The following SNTG1 variants were observed in gnomAD, a reference collection of about 807,000 sequenced individuals.
The protein encoded by SNTG1 is gamma-1-syntrophin.
A neutral mutation model predicts 74.7 loss-of-function variants in SNTG1; 39 were observed. The ratio of observed to expected loss-of-function variants is 0.52; its 90% CI spans 0.40 to 0.68. The LOEUF is 0.68. Ranked by LOEUF, SNTG1 falls within the 30% of genes least tolerant of loss-of-function variation. SNTG1 has a pLI of 0.00. For synonymous variants in SNTG1, 254 were observed against 217.1 expected (o/e 1.17, Z -1.49); for missense variants, 685 against 609.5 (o/e 1.12, Z -1.30).
At chr8:50,259,088 C>T (rs535888916) in intron 2 of SNTG1, among the ~76,000 whole-genome samples, 2 of 152,210 alleles carry the variant, frequency 1.3e-5, no homozygotes, top group East Asian at 1.9e-4. Context: ...GATGACTTCT[C>T]ATTATTTACA....
chr8:50,131,720 A>G (rs1484464161), intron 1 of SNTG1, among the ~76,000 whole-genome samples: 1 of 152,138 alleles, frequency 6.6e-6, no homozygotes, highest in African/African-American at 2.4e-5. Context: ...GGATTGCTGG[A>G]TCATATGGTA....
chr8:50,515,417 T>TTTTTTTTTTG (rs2094124304), intron 9 of SNTG1, among the ~76,000 whole-genome samples: 1 of 45,780 alleles, frequency 2.2e-5, no homozygotes, highest in Non-Finnish European at 3.5e-5. Context: ...TTTTTTTTTG[T>TTTTTTTTTTG]TACTCCAGTG....
chr8:50,165,777 A>C (rs2082593447), intron 1 of SNTG1, among the ~76,000 whole-genome samples: 1 of 152,196 alleles, frequency 6.6e-6, no homozygotes, highest in African/African-American at 2.4e-5. Context: ...TTGTCATATA[A>C]CCAATGGGCA....
chr8:50,721,983 T>G (rs1290419363), intron 17 of SNTG1, among the ~76,000 whole-genome samples: 1 of 152,130 alleles, frequency 6.6e-6, no homozygotes, highest in Non-Finnish European at 1.5e-5. Flanking sequence ...AATGATTCAG[T>G]GTCAGGAACA....
At chr8:50,665,314 C>T (rs557909182) in intron 15 of SNTG1, among the ~76,000 whole-genome samples, 1 of 151,806 alleles carries the variant, frequency 6.6e-6, no homozygotes, top group Non-Finnish European at 1.5e-5. Context: ...AGATGAAAGT[C>T]ATAAATACAG....
intron 15 of SNTG1, among the ~76,000 whole-genome samples, chr8:50,671,635 G>A (rs1009533685): frequency 6.6e-6 from 1 of 152,102 alleles, no homozygotes; most frequent in African/African-American, 2.4e-5. Context: ...AGTTAGTGTG[G>A]TGATTCCTCA....
At chr8:49,999,617 C>A (rs903066326) in intron 1 of SNTG1, among the ~76,000 whole-genome samples, 2 of 152,102 alleles carry the variant, frequency 1.3e-5, no homozygotes, top group Non-Finnish European at 2.9e-5. Flanking sequence ...TTTGCACCTG[C>A]GATTCCATGT....
rs187837985 is a variant in SNTG1 at position 50,724,673 on chromosome 8, A to G, written c.1284+15695A>G. Reference sequence around the variant, plus strand: ...ACAGTTTGTTGAGATGCAATTATGAATGGCATGTTCACCAAAATCAATTCA... The same window carrying G: ...ACAGTTTGTTGAGATGCAATTATGAGTGGCATGTTCACCAAAATCAATTCA... On this transcript the variant is annotated intron_variant, in intron 17 of 18. Transcript: ENST00000642720. Among the ~76,000 whole-genome samples the G allele has an allele frequency of 9.1e-4, 138 of 152,274 alleles. 2 individuals are homozygous for G. The highest frequency in any genetic ancestry group is 6.8e-3 in the Middle Eastern group (2 of 294).
chr8:50,230,047 T>C (rs34217744), intron 2 of SNTG1, among the ~76,000 whole-genome samples: 42,142 of 151,186 alleles, frequency 0.28, 5,934 homozygotes, highest in Middle Eastern at 0.37. Flanking sequence ...AAAATGACAA[T>C]GCAACTTATC....
chr8:50,137,041 A>G (rs558335000), intron 1 of SNTG1, among the ~76,000 whole-genome samples: 1 of 152,252 alleles, frequency 6.6e-6, no homozygotes, highest in African/African-American at 2.4e-5. Context: ...ACCACAACAC[A>G]TTTAGGGGAA....
intron 12 of SNTG1, among the ~76,000 whole-genome samples, chr8:50,569,622 G>A (rs2094535974): frequency 6.6e-6 from 1 of 152,058 alleles, no homozygotes; most frequent in African/African-American, 2.4e-5. Flanking sequence ...TGAAAATCAT[G>A]ATGGAATAAA....
At chr8:50,780,253 G>T (rs1008649645) in intron 18 of SNTG1, among the ~76,000 whole-genome samples, 5 of 152,042 alleles carry the variant, frequency 3.3e-5, no homozygotes, top group African/African-American at 9.7e-5. Flanking sequence ...TTTTTCTATT[G>T]GTTGGAATAG....
Position 50,506,660 on chromosome 8 carries a change from A to G in SNTG1, c.466+3780A>G, listed in dbSNP as rs2094009395. Among the ~76,000 whole-genome samples the G allele has an allele frequency of 2.0e-5, 3 of 152,136 alleles. No individual in the cohort carries two copies. In the South Asian group the frequency reaches 6.2e-4, roughly 32 times the overall value. Reference sequence around the variant, plus strand: ...AAACAACTGAATTTTTATGTTGTCTATTCTGCAACTTCCTTAAACTTGTTT... The same window carrying G: ...AAACAACTGAATTTTTATGTTGTCTGTTCTGCAACTTCCTTAAACTTGTTT... On this transcript the variant is annotated intron_variant, in intron 9 of 18. Transcript: ENST00000642720.
At chr8:50,017,054 A>G (rs1400771280) in intron 1 of SNTG1, among the ~76,000 whole-genome samples, 1 of 152,114 alleles carries the variant, frequency 6.6e-6, no homozygotes, top group African/African-American at 2.4e-5. Flanking sequence ...AAACTGAGAG[A>G]CTAATACAAT....
At chr8:50,160,334 C>T (rs568983402) in intron 1 of SNTG1, among the ~76,000 whole-genome samples, 17 of 152,208 alleles carry the variant, frequency 1.1e-4, no homozygotes, top group Admixed American at 9.2e-4. Flanking sequence ...AACAATATCT[C>T]TTCTAATGGT....
chr8:49,925,712 T>C lies in SNTG1; in HGVS notation c.-103+13481T>C, dbSNP rs554419632. Reference sequence around the variant, plus strand: ...TATGGTATGTAGCATTTGAGATCCATTTTTTGCACTCAGAGTAAACTATCC... The same window carrying C: ...TATGGTATGTAGCATTTGAGATCCACTTTTTGCACTCAGAGTAAACTATCC... On this transcript the variant is annotated intron_variant, in intron 1 of 18. Coordinates refer to ENST00000642720, the MANE Select transcript of SNTG1 (RefSeq NM_018967.5). Among the ~76,000 whole-genome samples, 64 of 152,320 alleles carry C rather than the reference T, an allele frequency of 4.2e-4. 1 individual carries two copies. Among genetic ancestry groups the C allele is most frequent in the Non-Finnish European group, 7.8e-4 (53 of 68,022 alleles).
chr8:49,962,246 C>T (rs545664292), intron 1 of SNTG1, among the ~76,000 whole-genome samples: 4 of 151,526 alleles, frequency 2.6e-5, no homozygotes, highest in South Asian at 4.2e-4. Context: ...GGATGAGAAG[C>T]AGATGAGACT....
intron 1 of SNTG1, among the ~76,000 whole-genome samples, chr8:49,968,101 A>G (rs1221100637): frequency 1.3e-5 from 2 of 152,162 alleles, no homozygotes; most frequent in African/African-American, 4.8e-5. Flanking sequence ...AGTAAATACA[A>G]TGGTCTTTTC....
chr8:49,917,894 G>A (rs1806184105), intron 1 of SNTG1, among the ~76,000 whole-genome samples: 1 of 152,128 alleles, frequency 6.6e-6, no homozygotes, highest in African/African-American at 2.4e-5. Flanking sequence ...GCTCTGCTCA[G>A]TTAGAACAAA....
Sources: allele counts gnomAD v4.1 joint callset (sites outside exome capture counted in the v4.1 genomes callset), GRCh38; gene constraint gnomAD v4.1.1; transcripts MANE v1.5; gene names NCBI Gene and HGNC (gene_info 2026-07-23, HGNC 2026-07-21).